UBR4: variants seen among roughly 807,000 people sequenced by gnomAD.
The protein encoded by UBR4 is ubiquitin protein ligase E3 component n-recognin 4.
UBR4 carries 124 observed loss-of-function variants against 575.6 expected under a neutral mutation model. The ratio of observed to expected loss-of-function variants is 0.22; its 90% CI spans 0.19 to 0.25. UBR4 has a LOEUF of 0.25. Ranked by LOEUF, UBR4 falls within the 10% of genes least tolerant of loss-of-function variation. The pLI is 1.00. For missense variants in UBR4, 4,818 were observed against 6,478.8 expected (o/e 0.74, Z 8.80); for synonymous variants, 2,455 against 2,473.7 (o/e 0.99, Z 0.22).
chr1:19,198,781 T>C lies in UBR4; in HGVS notation c.508+18A>G, dbSNP rs769630110. ...ATGGGGGTGGTCATGTGATCAGATCTGTCAAAGGAACACCCACCGTCTGAA... is the reference window on the plus strand; with the variant it reads ...ATGGGGGTGGTCATGTGATCAGATCCGTCAAAGGAACACCCACCGTCTGAA... On this transcript the variant is annotated intron_variant, in intron 4 of 105. Coordinates refer to ENST00000375254, the MANE Select transcript of UBR4 (RefSeq NM_020765.3). The C allele has an allele frequency of 3.5e-5, 57 of 1,614,024 alleles. 1 individual carries two copies. The South Asian group carries it at 5.8e-4, about 16-fold the overall frequency.
At chr1:19,204,069 G>A (rs1330971871) in intron 1 of UBR4, among the ~76,000 whole-genome samples, 2 of 152,140 alleles carry the variant, frequency 1.3e-5, no homozygotes, top group Admixed American at 1.3e-4. Flanking sequence ...CACTATCTCA[G>A]CTCACTGCAA....
Position 19,177,447 on chromosome 1 carries a change from G to A in UBR4, c.2637+14C>T, listed in dbSNP as rs751303711. 18 of 1,608,196 alleles carry A rather than the reference G, an allele frequency of 1.1e-5. No individual in the cohort carries two copies. Among genetic ancestry groups the A allele is most frequent in the African/African-American group, 4.0e-5 (3 of 74,698 alleles). On this transcript the variant is annotated intron_variant, in intron 19 of 105. Transcript: ENST00000375254. ...CAGTAATGGTGAAGCAAAAAAGAAC[G>A]TGTTGGTCTGTACCTGCTCAAATAG... is the stretch of plus-strand genomic sequence containing the variant.
intron 48 of UBR4, 114 bp downstream of exon 48, chr1:19,151,529 C>A (rs78969859): frequency 8.6e-7 from 1 of 1,161,904 alleles, no homozygotes; most frequent in Non-Finnish European, 1.3e-6. Context: ...GATGAAAGGA[C>A]AGAAAAATCA....
chr1:19,130,449 A>G (rs1380632433), intron 60 of UBR4, among the ~76,000 whole-genome samples: 1 of 152,178 alleles, frequency 6.6e-6, no homozygotes, highest in Non-Finnish European at 1.5e-5. Context: ...CCAGGAGTTC[A>G]AGGTTACAGT....
At chr1:19,176,758 A>G (rs1263120535) in intron 19 of UBR4, 31 bp from the exon 20 acceptor site, 1 of 1,607,902 alleles carries the variant, frequency 6.2e-7, no homozygotes, top group African/African-American at 1.3e-5. Flanking sequence ...AAATTAAGAA[A>G]GATACACAGT....
In UBR4 at chr1:19,124,657, G is replaced by C; in HGVS notation, c.9472C>G (p.Gln3158Glu). The change falls in exon 65 of 106, where the codon CAG (glutamine) becomes GAG (glutamate). Residue 3158 changes from glutamine (Q) to glutamate (E), a missense_variant. Transcript: ENST00000375254. ...HAADVFEAYT[Q>E]LLTEMVLRLP... ...CTCAGTACCATTTCTGTTAGAAGCT[G>C]AGTATAGGCCTCAAACACATCAGCA... 1 of 1,614,172 alleles carries C rather than the reference G, an allele frequency of 6.2e-7. No homozygotes were observed. Among genetic ancestry groups the C allele is most frequent in the Middle Eastern group, 1.6e-4 (1 of 6,062 alleles).
intron 54 of UBR4, 80 bp downstream of exon 54, chr1:19,144,706 C>A: frequency 6.5e-7 from 1 of 1,528,292 alleles, no homozygotes; most frequent in Non-Finnish European, 8.8e-7. Context: ...TATTTTATTT[C>A]ATTAGCTTAG....
intron 41 of UBR4, 66 bp from the exon 42 acceptor site, chr1:19,156,489 A>G: frequency 6.4e-7 from 1 of 1,559,076 alleles, no homozygotes. Flanking sequence ...TTCATTTCAG[A>G]GTAATGACGT....
chr1:19,095,865 T>A, intron 92 of UBR4: 1 of 501,792 alleles, frequency 2.0e-6, no homozygotes, highest in Non-Finnish European at 3.6e-6. Context: ...GGGATATATC[T>A]CTACCATCTC....
At chr1:19,172,746 A>T in intron 25 of UBR4, 118 bp downstream of exon 25, 1 of 965,172 alleles carries the variant, frequency 1.0e-6, no homozygotes, top group Non-Finnish European at 1.6e-6. Flanking sequence ...AAAGCATTAT[A>T]CGTGGGGAAA....
intron 8 of UBR4, among the ~76,000 whole-genome samples, chr1:19,194,738 G>T (rs556741464): frequency 6.6e-6 from 1 of 152,232 alleles, no homozygotes; most frequent in East Asian, 1.9e-4. Flanking sequence ...GGGGGCAGAG[G>T]TTACAGTGAG....
chr1:19,199,985 C>G (rs565708136), intron 2 of UBR4, among the ~76,000 whole-genome samples: 16 of 152,320 alleles, frequency 1.1e-4, no homozygotes, highest in African/African-American at 2.9e-4. Context: ...TTACATCACA[C>G]CAGTGCCAAG....
chr1:19,122,211 C>T (rs1353244867), intron 66 of UBR4, among the ~76,000 whole-genome samples, 199 bp from the exon 67 acceptor site: 2 of 152,324 alleles, frequency 1.3e-5, no homozygotes, highest in African/African-American at 2.4e-5. Context: ...GCAGCTCTTA[C>T]CGAACCTGCC....
intron 3 of UBR4, among the ~76,000 whole-genome samples, chr1:19,199,317 C>G (rs1401783311): frequency 6.6e-6 from 1 of 152,176 alleles, no homozygotes; most frequent in Non-Finnish European, 1.5e-5. Flanking sequence ...TGTTACCTAC[C>G]TGGCCCCTGC....
At chr1:19,132,954 C>T (rs569484905) in intron 60 of UBR4, among the ~76,000 whole-genome samples, 113 of 152,232 alleles carry the variant, frequency 7.4e-4, no homozygotes, top group Non-Finnish European at 1.2e-3. Context: ...TTAAAGAATA[C>T]ACCTAATTTT....
At chr1:19,179,325 A>G in intron 17 of UBR4, 105 bp from the exon 18 acceptor site, 1 of 1,224,000 alleles carries the variant, frequency 8.2e-7, no homozygotes, top group Non-Finnish European at 1.1e-6. Context: ...TGAACAGAAT[A>G]TTTTAAAGAA....
chr1:19,199,903 T>C (rs991238195), intron 2 of UBR4, 149 bp from the exon 3 acceptor site: 2 of 665,906 alleles, frequency 3.0e-6, no homozygotes, highest in East Asian at 2.8e-5. Context: ...CAAAGGCATT[T>C]TGACATCAAT....
rs745798446 is a variant in UBR4 at position 19,175,007 on chromosome 1, A to G, written c.2800T>C (p.Cys934Arg). The change falls in exon 21 of 106, where the codon TGT (cysteine) becomes CGT (arginine). Residue 934 changes from cysteine to arginine, a missense_variant. By Grantham distance (180) the Cys-to-Arg change is radical (BLOSUM62 -3). Coordinates refer to ENST00000375254, the MANE Select transcript of UBR4 (RefSeq NM_020765.3). ...TCTGAGGCTTCTGGGGACAGGACAC[A>G]GTAGAATCTGGGGTGTGGGACAGCA... is the stretch of plus-strand genomic sequence containing the variant. ...SDAVPHPRFYCVLSPEASEDD... is the reference protein window; with the variant it reads ...SDAVPHPRFYRVLSPEASEDD... The G allele has an allele frequency of 6.2e-6, 10 of 1,613,926 alleles. No individual in the cohort carries two copies. The highest frequency in any genetic ancestry group is 3.3e-5 in the Admixed American group (2 of 59,974).
chr1:19,128,060 T>G, intron 62 of UBR4, 151 bp downstream of exon 62: 2 of 769,228 alleles, frequency 2.6e-6, no homozygotes, highest in Non-Finnish European at 4.3e-6. Context: ...AAGCAGGCCC[T>G]GAATACGCTT....
Sources: gnomAD v4.1 joint callset for allele counts (sites outside exome capture counted in the v4.1 genomes callset) on GRCh38, gnomAD v4.1.1 for gene constraint, MANE v1.5 for transcripts, NCBI Gene and HGNC (gene_info 2026-07-23, HGNC 2026-07-21) for gene names.